The following MCC variants were observed in gnomAD, a reference collection of about 807,000 sequenced individuals.
MCC encodes the protein colorectal mutant cancer protein.
Under a neutral mutation model 116.2 loss-of-function variants are expected in MCC, and 90 were observed. The observed-to-expected ratio is 0.77, with a 90% confidence interval of 0.65 to 0.92. MCC has a LOEUF of 0.92. MCC is among the 40% of genes least tolerant of loss of function. The pLI, the probability that MCC is intolerant of heterozygous loss-of-function variation, is 0.00. For missense variants in MCC, 1,516 were observed against 1,312.2 expected, an observed-to-expected ratio of 1.16 and a Z score of -2.40; for synonymous variants, 578 against 510.5, an observed-to-expected ratio of 1.13 and a Z score of -1.78.
chr5:113,048,976 T>A, intron 16 of MCC, 117 bp downstream of exon 16: 1 of 943,154 alleles, frequency 1.1e-6, no homozygotes, highest in Non-Finnish European at 1.7e-6. Context: ...TGGCCTGCAT[T>A]TCCTATGCAA....
chr5:113,247,068 C>A (rs1295603035), intron 3 of MCC, among the ~76,000 whole-genome samples: 2 of 152,172 alleles, frequency 1.3e-5, no homozygotes, highest in South Asian at 4.1e-4. Context: ...TGGTTTATGA[C>A]AAAGGAAGGT....
chr5:113,056,581 G>C (rs1752848462), intron 14 of MCC, among the ~76,000 whole-genome samples: 1 of 152,202 alleles, frequency 6.6e-6, no homozygotes, highest in Non-Finnish European at 1.5e-5. Context: ...TGAGGGTACA[G>C]AATAGCAGAA....
chr5:113,134,315 T>C (rs767854946), intron 5 of MCC, among the ~76,000 whole-genome samples: 1 of 152,230 alleles, frequency 6.6e-6, no homozygotes, highest in Non-Finnish European at 1.5e-5. Flanking sequence ...GCACCATTTA[T>C]TGAAGAGACT....
At chr5:113,382,736 C>T (rs1276036577) in intron 2 of MCC, among the ~76,000 whole-genome samples, 1 of 152,000 alleles carries the variant, frequency 6.6e-6, no homozygotes, top group Non-Finnish European at 1.5e-5. Flanking sequence ...CTCCTTTATT[C>T]CCCCAAATAA....
chr5:113,294,804 G>A (rs1417727158), intron 3 of MCC: 22 of 986,750 alleles, frequency 2.2e-5, no homozygotes, highest in African/African-American at 7.0e-5. Flanking sequence ...GCACCGGCGA[G>A]CTCCCGAAAA....
intron 1 of MCC, among the ~76,000 whole-genome samples, chr5:113,422,243 T>G (rs898613432): frequency 1.4e-4 from 21 of 151,142 alleles, no homozygotes; most frequent in Non-Finnish European, 1.5e-5. Flanking sequence ...GGAGACTGAT[T>G]AGAGATGTGC....
chr5:113,056,415 C>A (rs1192183874), intron 14 of MCC, among the ~76,000 whole-genome samples: 1 of 152,192 alleles, frequency 6.6e-6, no homozygotes, highest in Non-Finnish European at 1.5e-5. Context: ...GAGGTCATGT[C>A]ATTTGCAGAA....
At chr5:113,120,323 G>A (rs1290362455) in intron 6 of MCC, among the ~76,000 whole-genome samples, 1 of 152,178 alleles carries the variant, frequency 6.6e-6, no homozygotes, top group Non-Finnish European at 1.5e-5. Context: ...AAAGCCCGGG[G>A]ACTGGGTTCA....
At chr5:113,263,119 A>T (rs1166653494) in intron 3 of MCC, among the ~76,000 whole-genome samples, 1 of 152,188 alleles carries the variant, frequency 6.6e-6, no homozygotes. Flanking sequence ...ATAGAGAGGG[A>T]ACGTTCAAGA....
intron 1 of MCC, among the ~76,000 whole-genome samples, chr5:113,405,437 A>G: frequency 6.6e-6 from 1 of 152,210 alleles, no homozygotes; most frequent in East Asian, 1.9e-4. Flanking sequence ...AATTTTGTAA[A>G]GATAAAAAAG....
chr5:113,063,981 T>C lies in MCC; in HGVS notation c.2213+3A>G, dbSNP rs1753403260. On this transcript the variant is annotated splice_donor_region_variant and intron_variant, in intron 14 of 18. Transcript: ENST00000408903. ...CACCCCAGAGCAGAAGGCTGAGCAT[T>C]ACCTGGTGTGGCTGTTGGAGGAAAG... The C allele has an allele frequency of 1.2e-6, 2 of 1,610,930 alleles. No homozygotes were observed. The highest frequency in any genetic ancestry group is 1.9e-4 in the Middle Eastern group (1 of 5,132).
chr5:113,065,022 T>C (rs982614560), intron 13 of MCC, among the ~76,000 whole-genome samples: 1 of 151,980 alleles, frequency 6.6e-6, no homozygotes, highest in African/African-American at 2.4e-5. Context: ...GCAACAGCAA[T>C]GGTTGCCAGG....
At chr5:113,256,889 C>T (rs948967256) in intron 3 of MCC, among the ~76,000 whole-genome samples, 1 of 152,140 alleles carries the variant, frequency 6.6e-6, no homozygotes, top group Admixed American at 6.5e-5. Context: ...GCTAGTAAAG[C>T]AAAACCCATA....
chr5:113,122,845 T>G lies in MCC; in HGVS notation c.885-19A>C. ...TTCCTCCCTGAGAAAAAAGGAGAAT[T>G]GGCAACCACTAACAGAGGATATAAG... On this transcript the variant is annotated intron_variant, in intron 5 of 18. Coordinates refer to ENST00000408903, the MANE Select transcript of MCC (RefSeq NM_001085377.2). The G allele has an allele frequency of 6.2e-7, 1 of 1,613,760 alleles. No homozygotes were observed.
intron 12 of MCC, 68 bp downstream of exon 12, chr5:113,071,026 T>C (rs1753998866): frequency 4.7e-5 from 72 of 1,536,416 alleles, no homozygotes; most frequent in Non-Finnish European, 6.2e-5. Flanking sequence ...TTCCTACTTT[T>C]ATTCTGAAGG....
Position 113,080,456 on chromosome 5 carries a change from T to C in MCC, c.1784+2404A>G, listed in dbSNP as rs191778329. Among the ~76,000 whole-genome samples, 36 of 152,266 alleles carry C rather than the reference T, an allele frequency of 2.4e-4. 1 individual carries two copies. The East Asian group carries it at 6.6e-3, about 28-fold the overall frequency. ...AAGAAAATGTGGCACACATACACCA[T>C]GGAATACTACTCAGCCATAAAAAAG... On this transcript the variant is annotated intron_variant, in intron 11 of 18. Transcript: ENST00000408903.
chr5:113,046,934 C>G (rs915220980), intron 16 of MCC, among the ~76,000 whole-genome samples: 2 of 152,060 alleles, frequency 1.3e-5, no homozygotes, highest in African/African-American at 4.8e-5. Flanking sequence ...TCCATGATTC[C>G]GCACGGCCCT....
At chr5:113,414,438 G>T (rs547495211) in intron 1 of MCC, among the ~76,000 whole-genome samples, 1 of 152,286 alleles carries the variant, frequency 6.6e-6, no homozygotes, top group Non-Finnish European at 1.5e-5. Context: ...CTTGCTTTAT[G>T]AATCTGGGTG....
At chr5:113,423,760 C>T (rs752821587) in intron 1 of MCC, among the ~76,000 whole-genome samples, 3 of 152,042 alleles carry the variant, frequency 2.0e-5, no homozygotes, top group South Asian at 4.1e-4. Context: ...ACCCCCAACC[C>T]GGCACAGTCA....
Sources: allele counts gnomAD v4.1 joint callset (sites outside exome capture counted in the v4.1 genomes callset), GRCh38; gene constraint gnomAD v4.1.1; transcripts MANE v1.5; gene names NCBI Gene and HGNC (gene_info 2026-07-23, HGNC 2026-07-21).